GSK3B: variants seen among roughly 807,000 people sequenced by gnomAD.
GSK3B encodes glycogen synthase kinase-3 beta.
A neutral mutation model predicts 56.4 loss-of-function variants in GSK3B; 15 were observed. The observed-to-expected ratio is 0.27, with a 90% CI of 0.18 to 0.41. GSK3B has a LOEUF of 0.41. GSK3B is among the 10% of genes least tolerant of loss of function. The pLI is 1.00. For synonymous variants in GSK3B, 181 were observed against 188.9 expected, an observed-to-expected ratio of 0.96 and a Z score of 0.34; for missense variants, 300 against 513.4, an observed-to-expected ratio of 0.58 and a Z score of 4.02.
chr3:119,881,916 G>A (rs187354141), intron 7 of GSK3B, among the ~76,000 whole-genome samples: 1 of 152,284 alleles, frequency 6.6e-6, no homozygotes, highest in Admixed American at 6.5e-5. Flanking sequence ...CACAAGACAA[G>A]CTCTCGTCTC....
chr3:119,996,254 CA>C (rs1220069204), intron 2 of GSK3B, among the ~76,000 whole-genome samples: 1 of 152,160 alleles, frequency 6.6e-6, no homozygotes, highest in Non-Finnish European at 1.5e-5. Flanking sequence ...ATTCTTAAAC[CA>C]CTGTCTGTAC....
Position 119,902,047 on chromosome 3 carries a change from G to T in GSK3B, c.813+3708C>A, listed in dbSNP as rs556006608. Among the ~76,000 whole-genome samples the T allele has an allele frequency of 2.6e-5, 4 of 152,182 alleles. No individual in the cohort carries two copies. The South Asian group carries it at 8.3e-4, about 32-fold the overall frequency. ...TCCCTACTTATCATAAGCACTAAGG[G>T]TGCATGACTATTACCTTAAAAAACG... On this transcript the variant is annotated intron_variant, in intron 7 of 10. Coordinates refer to ENST00000264235, the MANE Select transcript of GSK3B (RefSeq NM_001146156.2).
At position 119,865,757 on chromosome 3, in the gene GSK3B, C is replaced by T. The variant is rs183322468; in HGVS notation, c.910-2152G>A. ...GTGCTGGGATTACAGGCGTGAGCCACCGTGCCCGGCCTATTTCCAGTAATT... is the reference window on the plus strand; with the variant it reads ...GTGCTGGGATTACAGGCGTGAGCCATCGTGCCCGGCCTATTTCCAGTAATT... On this transcript the variant is annotated intron_variant, in intron 8 of 10. Transcript: ENST00000264235. 3.9e-5 allele frequency among the ~76,000 whole-genome samples: 6 copies of T among 152,092 alleles called. No individual in the cohort carries two copies. The East Asian group carries it at 1.2e-3, about 29-fold the overall frequency.
chr3:120,083,564 A>G (rs1236831041), intron 1 of GSK3B, among the ~76,000 whole-genome samples: 2 of 152,222 alleles, frequency 1.3e-5, no homozygotes, highest in African/African-American at 4.8e-5. Context: ...AAGCAAAGGA[A>G]AAAATGTGAC....
chr3:119,914,266 A>C (rs1396523641), intron 5 of GSK3B, among the ~76,000 whole-genome samples: 1 of 152,128 alleles, frequency 6.6e-6, no homozygotes, highest in Non-Finnish European at 1.5e-5. Flanking sequence ...GATAATGTAC[A>C]GTCCAAAGTG....
At chr3:119,952,437 G>A (rs57512425) in intron 2 of GSK3B, among the ~76,000 whole-genome samples, 1,792 of 148,028 alleles carry the variant, frequency 0.012, 33 homozygotes, top group African/African-American at 0.042. Context: ...GCAGTGAGTC[G>A]AGATCGTGCC....
chr3:120,029,544 T>A, intron 1 of GSK3B: 1 of 616,222 alleles, frequency 1.6e-6, no homozygotes, highest in Non-Finnish European at 3.1e-6. Flanking sequence ...ATAGGGACCA[T>A]CACTTGGTGC....
chr3:119,929,230 T>C (rs1275195678), intron 3 of GSK3B, among the ~76,000 whole-genome samples: 6 of 152,182 alleles, frequency 3.9e-5, no homozygotes, highest in Non-Finnish European at 7.4e-5. Context: ...GAATGCTCAA[T>C]TGGTGTGAAA....
At chr3:119,995,609 T>G (rs9872693) in intron 2 of GSK3B, among the ~76,000 whole-genome samples, 2,771 of 151,658 alleles carry the variant, frequency 0.018, 92 homozygotes, top group African/African-American at 0.064. Context: ...AATTTCTGTA[T>G]TTTTTAGTAG....
At chr3:119,833,596 T>A (rs2055637732) in intron 10 of GSK3B, among the ~76,000 whole-genome samples, 1 of 152,128 alleles carries the variant, frequency 6.6e-6, no homozygotes. Flanking sequence ...TTTATATTGT[T>A]GGCATATTAG....
At chr3:120,053,575 A>G (rs1028304034) in intron 1 of GSK3B, among the ~76,000 whole-genome samples, 7 of 152,198 alleles carry the variant, frequency 4.6e-5, no homozygotes, top group African/African-American at 1.7e-4. Context: ...CCCACAAGGA[A>G]AAGATAAAAC....
chr3:119,955,232 G>C (rs1221178320), intron 2 of GSK3B, among the ~76,000 whole-genome samples: 3 of 139,532 alleles, frequency 2.2e-5, no homozygotes, highest in Non-Finnish European at 4.6e-5. Context: ...AGAACCAACA[G>C]CTAAAAAAAA....
intron 1 of GSK3B, among the ~76,000 whole-genome samples, chr3:120,012,060 T>C (rs2057783374): frequency 6.6e-6 from 1 of 152,152 alleles, no homozygotes; most frequent in African/African-American, 2.4e-5. Flanking sequence ...AGAGAATAAA[T>C]CAACAGGCTT....
intron 1 of GSK3B, among the ~76,000 whole-genome samples, chr3:120,009,747 G>A (rs1431166228): frequency 6.6e-6 from 1 of 152,014 alleles, no homozygotes; most frequent in Non-Finnish European, 1.5e-5. Flanking sequence ...TAGATGACGG[G>A]TTGATGGGTG....
chr3:119,907,225 T>A (rs2056691597), intron 6 of GSK3B, among the ~76,000 whole-genome samples: 2 of 152,130 alleles, frequency 1.3e-5, no homozygotes, highest in African/African-American at 4.8e-5. Flanking sequence ...CTCAACTTTT[T>A]TCCTCTCTAA....
intron 8 of GSK3B, among the ~76,000 whole-genome samples, chr3:119,874,048 A>G (rs931119912): frequency 2.0e-5 from 3 of 152,210 alleles, no homozygotes; most frequent in Non-Finnish European, 4.4e-5. Flanking sequence ...AGAATTGAAG[A>G]GGGCAAAGGA....
At chr3:119,845,643 G>C (rs779442779) in intron 9 of GSK3B, among the ~76,000 whole-genome samples, 1 of 152,130 alleles carries the variant, frequency 6.6e-6, no homozygotes, top group Non-Finnish European at 1.5e-5. Flanking sequence ...ACAAACCACT[G>C]CTCAAGGAAA....
intron 1 of GSK3B, among the ~76,000 whole-genome samples, chr3:120,012,644 C>G (rs547808822): frequency 6.6e-6 from 1 of 152,130 alleles, no homozygotes; most frequent in Non-Finnish European, 1.5e-5. Flanking sequence ...TACAACAGAA[C>G]AATCACTTTC....
At chr3:119,919,406 C>T (rs2056813841) in intron 4 of GSK3B, among the ~76,000 whole-genome samples, 1 of 151,528 alleles carries the variant, frequency 6.6e-6, no homozygotes, top group African/African-American at 2.4e-5. Context: ...CAACTCATAA[C>T]TCATCAATTC....
Sources: gnomAD v4.1 joint callset for allele counts (sites outside exome capture counted in the v4.1 genomes callset) on GRCh38, gnomAD v4.1.1 for gene constraint, MANE v1.5 for transcripts, NCBI Gene and HGNC (gene_info 2026-07-23, HGNC 2026-07-21) for gene names.